Variants in VAT1 observed in about 807,000 individuals in gnomAD.
The protein encoded by VAT1 is vesicle amine transport 1.
VAT1 carries 24 observed loss-of-function variants against 33.3 expected under a neutral mutation model. The observed-to-expected ratio is 0.72, with a 90% CI of 0.52 to 1.01. The LOEUF (loss-of-function observed/expected upper bound fraction) is 1.01. Among genes scored for constraint, VAT1 ranks in the 50% least tolerant of loss-of-function variants. The pLI, the probability that VAT1 is intolerant of heterozygous loss-of-function variation, is 0.00. For synonymous variants in VAT1, 212 were observed against 225.0 expected, an observed-to-expected ratio of 0.94 and a Z score of 0.52; for missense variants, 436 against 533.7, an observed-to-expected ratio of 0.82 and a Z score of 1.80.
rs750076430 is a variant in VAT1, at chr17:43,018,689, A to C, written c.498T>G (p.Ala166=). The part of the protein sequence containing the change: ...LIPEAMTFEE[A]AALLVNYITA... ...TAATGTAATTGACGAGCAAGGCAGC[A>C]GCTTCCTCAAAGGTCATGGCCTCAG... Residue 166 remains alanine (A), a synonymous_variant, in exon 2 of 6, where the codon GCT becomes GCG. Coordinates refer to ENST00000355653, the MANE Select transcript of VAT1 (RefSeq NM_006373.4). 4 of 1,614,200 alleles carry C rather than the reference A, an allele frequency of 2.5e-6. No homozygotes were observed. Among genetic ancestry groups the C allele is most frequent in the Non-Finnish European group, 1.7e-6 (2 of 1,180,032 alleles).
In VAT1 at chr17:43,022,348, C is replaced by G; in HGVS notation, c.-26G>C. On this transcript the variant is annotated 5_prime_UTR_variant, in exon 1 of 6. Coordinates refer to ENST00000355653, the MANE Select transcript of VAT1 (RefSeq NM_006373.4). ...GGCTGGGACTCCCGACGAGAGCGCA[C>G]AGCTGGATGGAGAGTGCACAGCTGG... 6.5e-7 allele frequency: 1 copy of G among 1,535,412 alleles called. No individual in the cohort carries two copies. The highest frequency in any genetic ancestry group is 8.7e-7 in the Non-Finnish European group (1 of 1,145,364).
In VAT1 at chr17:43,021,886, A is replaced by C. The variant is rs938184997; in HGVS notation, c.387+50T>G. 3 of 1,600,722 alleles carry C rather than the reference A, an allele frequency of 1.9e-6. 1 individual carries two copies. The African/African-American group carries it at 4.0e-5, about 22-fold the overall frequency. ...CCCGGCGCTCGCCCACTCGTGCCCC[A>C]CTGCCCAGTGGCCTGCGCAGCCCTG... On this transcript the variant is annotated intron_variant, in intron 1 of 5. Transcript: ENST00000355653.
rs455055 is a variant in VAT1, at chr17:43,015,940, C to A, written c.*121G>T. ...GGGAGAGCGGTCATCACCACAGAGA[C>A]CTTCGGGGGAGGGAGGGCAGAGCAT... On this transcript the variant is annotated 3_prime_UTR_variant, in exon 6 of 6. Transcript: ENST00000355653. 0.69 allele frequency: 783,674 copies of A among 1,131,006 alleles called. 277,924 individuals carry two copies. Among genetic ancestry groups the A allele is most frequent in the East Asian group, 0.93 (39,403 of 42,544 alleles). The allele number at this position is 1,131,006 out of a possible 1,614,324, so 70.1% of individuals were successfully genotyped here.
At position 43,022,235 on chromosome 17, in the gene VAT1, G is replaced by A. The variant is rs1567747985; in HGVS notation, c.88C>T (p.Gln30Ter). 1 of 1,575,680 alleles carries A rather than the reference G, an allele frequency of 6.3e-7. No homozygotes were observed. The highest frequency in any genetic ancestry group is 2.3e-5 in the East Asian group (1 of 42,936). ...GCCCCTTCGGAGGCCGCGGGATGCT[G>A]GGGGTCGCTCGCTGCCTCGGTTTTC... ...PPKTEAASDPQHPAASEGAAA... is the reference protein window; with the variant it reads ...PPKTEAASDP Residue 30 changes from glutamine to a stop codon, truncating the protein, a stop_gained, in exon 1 of 6, where the codon CAG (glutamine) becomes TAG (stop). Coordinates refer to ENST00000355653, the MANE Select transcript of VAT1 (RefSeq NM_006373.4). LOFTEE classifies it high-confidence loss of function.
Position 43,022,160 on chromosome 17 carries a change from C to A in VAT1, c.163G>T (p.Gly55Cys). Residue 55 changes from glycine to cysteine, a missense_variant, in exon 1 of 6, where the codon GGC (glycine) becomes TGC (cysteine). Around this residue, in one of 2 missense-constraint regions of VAT1, gnomAD observed 154 missense variants for 128.3 expected, o/e 1.20. Transcript: ENST00000355653. ...TTCACCTTGTCGTAGCCTCCAAAGC[C>A]GGTGAGCACTAGGCAGCGCAGCAGT... Reference protein sequence around the residue: ...PPLLRCLVLTGFGGYDKVKLQ... With the variant: ...PPLLRCLVLTCFGGYDKVKLQ... 3.8e-6 allele frequency: 6 copies of A among 1,559,200 alleles called. No homozygotes were observed. Among genetic ancestry groups the A allele is most frequent in the Non-Finnish European group, 5.2e-6 (6 of 1,151,414 alleles).
chr17:43,016,173 A>G, intron 5 of VAT1, 29 bp from the exon 6 acceptor site: 1 of 1,613,922 alleles, frequency 6.2e-7, no homozygotes, highest in Non-Finnish European at 8.5e-7. Context: ...TGCGGCTCCC[A>G]GTGCTATCCA....
chr17:43,022,065 G>A lies in VAT1; in HGVS notation c.258C>T (p.Cys86=), dbSNP rs190593387. Residue 86 remains cysteine (C), a synonymous_variant, in exon 1 of 6, where the codon TGC becomes TGT. Coordinates refer to ENST00000355653, the MANE Select transcript of VAT1 (RefSeq NM_006373.4). ...PGQLTLRLRA[C]GLNFADLMAR... is the part of the protein sequence containing the mutation. ...CCATGAGGTCTGCGAAGTTGAGCCC[G>A]CAGGCCCGCAGACGCAGCGTCAGCT... 2 of 1,600,688 alleles carry A rather than the reference G, an allele frequency of 1.2e-6. No homozygotes were observed. The highest frequency in any genetic ancestry group is 1.7e-6 in the Non-Finnish European group (2 of 1,175,088).
chr17:43,016,312 C>A lies in VAT1; in HGVS notation c.1093G>T (p.Glu365Ter). 1 of 1,608,512 alleles carries A rather than the reference C, an allele frequency of 6.2e-7. No individual in the cohort carries two copies. Among genetic ancestry groups the A allele is most frequent in the Non-Finnish European group, 8.5e-7 (1 of 1,179,580 alleles). The change falls in exon 5 of 6, where the codon GAG becomes TAG. Residue 365 changes from glutamate to a stop codon, truncating the protein, a stop_gained. Transcript: ENST00000355653. LOFTEE classifies it high-confidence loss of function. ...TGCAAAGTCCTCACATTCACCTTCT[C>A]GAAGGGCCAGACTGAGTCAATGTGG... The part of the protein sequence containing the change: ...KPHIDSVWPF[E>*]KVADAMKQMQ...
chr17:43,022,015 A>C lies in VAT1; in HGVS notation c.308T>G (p.Leu103Arg), dbSNP rs1252750732. 3 of 1,607,456 alleles carry C rather than the reference A, an allele frequency of 1.9e-6. No homozygotes were observed. Among genetic ancestry groups the C allele is most frequent in the Non-Finnish European group, 2.5e-6 (3 of 1,178,570 alleles). Residue 103 changes from leucine (L) to arginine (R), a missense_variant, in exon 1 of 6, where the codon CTC becomes CGC. This residue lies in a region of VAT1 where 282 missense variants were observed against 405.4 expected (regional missense o/e 0.70). Transcript: ENST00000355653. ...LMARQGLYDR[L>R]PPLPVTPGME... ...GCCCGGAGTGACAGGCAGAGGCGGGAGACGGTCGTACAGCCCCTGCCTAGC... is the reference window on the plus strand; with the variant it reads ...GCCCGGAGTGACAGGCAGAGGCGGGCGACGGTCGTACAGCCCCTGCCTAGC...
intron 1 of VAT1, among the ~76,000 whole-genome samples, chr17:43,021,625 T>TGGG (rs2050569493): frequency 9.0e-5 from 3 of 33,478 alleles, no homozygotes; most frequent in African/African-American, 1.2e-4. Context: ...GGGGGGGGGG[T>TGGG]GGGGACGGTA....
chr17:43,016,109 C>T lies in VAT1; in HGVS notation c.1134G>A (p.Lys378=), dbSNP rs761308182. The T allele has an allele frequency of 6.2e-7, 1 of 1,614,114 alleles. No individual in the cohort carries two copies. Among genetic ancestry groups the T allele is most frequent in the Non-Finnish European group, 8.5e-7 (1 of 1,180,020 alleles). The change falls in exon 6 of 6, where the codon AAG becomes AAA. Residue 378 remains lysine, a synonymous_variant. Transcript: ENST00000355653. ...ADAMKQMQEK[K]NVGKVLLVPG... ...GAACCAGGAGGACCTTGCCCACATT[C>T]TTCTTCTCCTGCATCTGTTTCATGG...
chr17:43,016,540 T>G lies in VAT1; in HGVS notation c.865A>C (p.Asn289His). The G allele has an allele frequency of 6.2e-7, 1 of 1,613,094 alleles. No individual in the cohort carries two copies. Among genetic ancestry groups the G allele is most frequent in the East Asian group, 2.2e-5 (1 of 44,872 alleles). The change falls in exon 5 of 6, where the codon AAC (asparagine) becomes CAC (histidine). Residue 289 changes from asparagine to histidine, a missense_variant. Around this residue, in one of 2 missense-constraint regions of VAT1, gnomAD observed 282 missense variants for 405.4 expected, o/e 0.70. Transcript: ENST00000355653. ...MGKVVTYGMA[N>H]LLTGPKRNLM... ...TTCCGTTTGGGGCCCGTCAGCAGGT[T>G]GGCCATTCCTGAAGGACAAGGTGAC...
chr17:43,018,101 A>T lies in VAT1; in HGVS notation c.701T>A (p.Val234Asp). 1 of 1,613,556 alleles carries T rather than the reference A, an allele frequency of 6.2e-7. No homozygotes were observed. Among genetic ancestry groups the T allele is most frequent in the Non-Finnish European group, 8.5e-7 (1 of 1,179,956 alleles). Reference protein sequence around the residue: ...SKHEALKENGVTHPIDYHTTD... With the variant: ...SKHEALKENGDTHPIDYHTTD... ...CGTGTGATAGTCGATGGGATGTGTG[A>T]CCCCATTCTCCTTCAGTGCCTCGTG... Residue 234 changes from valine (V) to aspartate (D), a missense_variant, in exon 3 of 6, where the codon GTC (valine) becomes GAC (aspartate). Val to Asp is a radical substitution (Grantham distance 152, BLOSUM62 -3). Around this residue, in one of 2 missense-constraint regions of VAT1, gnomAD observed 282 missense variants for 405.4 expected, o/e 0.70. Coordinates refer to ENST00000355653, the MANE Select transcript of VAT1 (RefSeq NM_006373.4).
chr17:43,020,370 ACCT>A lies in VAT1; in HGVS notation c.387+1563_387+1565del, dbSNP rs2050556394. On this transcript the variant is annotated intron_variant, in intron 1 of 5. Coordinates refer to ENST00000355653, the MANE Select transcript of VAT1 (RefSeq NM_006373.4). ...TTCAGCAGTAACATGAACTACAACT[ACCT>A]CCCGAAAATATTCCTCTTAGACGCC... The A allele has an allele frequency of 6.0e-6, 5 of 831,200 alleles. No individual in the cohort carries two copies. The South Asian group carries it at 2.8e-4, about 46-fold the overall frequency. The allele number at this position is 831,200 out of a possible 1,614,324, so 51.5% of individuals were successfully genotyped here.
intron 1 of VAT1, among the ~76,000 whole-genome samples, chr17:43,021,677 C>T (rs1597785487): frequency 6.6e-6 from 1 of 152,040 alleles, no homozygotes; most frequent in East Asian, 1.9e-4. Context: ...ATTGTTTTCC[C>T]CCCCACCAGC....
chr17:43,021,671 T>G (rs1457896083), intron 1 of VAT1, among the ~76,000 whole-genome samples: 1 of 151,494 alleles, frequency 6.6e-6, no homozygotes, highest in African/African-American at 2.4e-5. Flanking sequence ...CACCTTATTG[T>G]TTTCCCCCCC....
At chr17:43,019,552 AC>A (rs1396580625) in intron 1 of VAT1, 1 of 152,104 alleles carries the variant, frequency 6.6e-6, no homozygotes, top group Non-Finnish European at 1.5e-5. Context: ...AAACATCTTC[AC>A]TCAGAGATGG....
intron 1 of VAT1, 160 bp from the exon 2 acceptor site, chr17:43,018,959 A>C: frequency 1.4e-6 from 1 of 738,600 alleles, no homozygotes; most frequent in Non-Finnish European, 2.2e-6. Flanking sequence ...ATCATCAACA[A>C]CAATAACAAC....
chr17:43,019,244 A>C (rs1429127039), intron 1 of VAT1, among the ~76,000 whole-genome samples: 1 of 152,070 alleles, frequency 6.6e-6, no homozygotes, highest in Non-Finnish European at 1.5e-5. Context: ...AAAATTACTT[A>C]ATCTTTTTGA....
Sources: allele counts gnomAD v4.1 joint callset (sites outside exome capture counted in the v4.1 genomes callset), GRCh38; gene constraint gnomAD v4.1.1; regional missense constraint gnomAD v4.1.1; transcripts MANE v1.5; gene names NCBI Gene and HGNC (gene_info 2026-07-23, HGNC 2026-07-21).